Variants in SMIM24 observed in about 807,000 individuals in gnomAD.
SMIM24 encodes the protein MAP17-related dimer.
A neutral mutation model predicts 10.8 loss-of-function variants in SMIM24; 6 were observed. The observed-to-expected ratio is 0.55, with a 90% CI of 0.30 to 1.09. The LOEUF (loss-of-function observed/expected upper bound fraction) is 1.09, where lower values mean the gene tolerates loss of function less well. SMIM24 is among the 50% of genes least tolerant of loss of function. The pLI is 0.06. For missense variants in SMIM24, 151 were observed against 153.4 expected (o/e 0.98, Z 0.08); for synonymous variants, 71 against 62.4 (o/e 1.14, Z -0.65).
chr19:3,476,266 C>A (rs1334547968), intron 3 of SMIM24, among the ~76,000 whole-genome samples: 2 of 150,992 alleles, frequency 1.3e-5, no homozygotes, highest in Non-Finnish European at 3.0e-5. Context: ...GTGGATGGAT[C>A]AATGAGCTAA....
intron 2 of SMIM24, 76 bp downstream of exon 2, chr19:3,478,742 G>C: frequency 6.8e-6 from 8 of 1,179,510 alleles, no homozygotes; most frequent in Non-Finnish European, 9.6e-6. Context: ...GCTGGTGATG[G>C]GGGTACCAGA....
At chr19:3,477,320 GGGTGGATGGAT>G (rs749299262) in intron 3 of SMIM24, among the ~76,000 whole-genome samples, 43 of 142,842 alleles carry the variant, frequency 3.0e-4, no homozygotes, top group Non-Finnish European at 5.5e-4. Context: ...GACAGATGGT[GGGTGGATGGAT>G]GGTGGGTGGG....
chr19:3,478,856 C>T lies in SMIM24; in HGVS notation c.141G>A (p.Leu47=), dbSNP rs2082804442. The stretch of plus-strand genomic sequence containing the variant: ...ACCAGAGGCGGTTGGCCAGCAAGAC[C>T]AAATAGACGATGAACAGGAAGCCGA... ...AVVGFLFIVY[L]VLLANRLWCS... Residue 47 remains leucine (L), a synonymous_variant, in exon 2 of 4, where the codon TTG becomes TTA. Coordinates refer to ENST00000215531, the MANE Select transcript of SMIM24 (RefSeq NM_001136503.2). The T allele has an allele frequency of 6.5e-7, 1 of 1,549,714 alleles. No individual in the cohort carries two copies. Among genetic ancestry groups the T allele is most frequent in the Non-Finnish European group, 8.7e-7 (1 of 1,146,728 alleles).
At chr19:3,478,630 C>T in intron 2 of SMIM24, 152 bp from the exon 3 acceptor site, 2 of 911,602 alleles carry the variant, frequency 2.2e-6, no homozygotes, top group Non-Finnish European at 3.3e-6. Flanking sequence ...GGCTGCCTGG[C>T]TCGTTGTCTT....
intron 2 of SMIM24, 39 bp from the exon 3 acceptor site, chr19:3,478,517 G>A (rs2082802886): frequency 1.3e-6 from 2 of 1,508,324 alleles, no homozygotes; most frequent in Non-Finnish European, 1.8e-6. Context: ...GGGCGGGAGA[G>A]GAGAAAGGGG....
At chr19:3,480,138 G>C (rs539487688) in intron 1 of SMIM24, among the ~76,000 whole-genome samples, 1 of 151,654 alleles carries the variant, frequency 6.6e-6, no homozygotes, top group Non-Finnish European at 1.5e-5. Flanking sequence ...GCTCAAGGCG[G>C]GGGGTTCAGC....
chr19:3,478,436 G>T lies in SMIM24; in HGVS notation c.222C>A (p.Asn74Lys), dbSNP rs1185674942. 6.5e-6 allele frequency: 10 copies of T among 1,549,466 alleles called. No homozygotes were observed. The highest frequency in any genetic ancestry group is 8.7e-6 in the Non-Finnish European group (10 of 1,146,474). Residue 74 changes from asparagine to lysine, a missense_variant, in exon 3 of 4, where the codon AAC becomes AAA. Transcript: ENST00000215531. The part of the protein sequence containing the change: ...EEETTFRMES[N>K]LYQDQSEDKR... The stretch of plus-strand genomic sequence containing the variant: ...CATAGTACCTCTGGTCCTGGTATAG[G>T]TTGGACTCCATTCTGAACGTGGTCT...
chr19:3,480,330 G>C, intron 1 of SMIM24, 67 bp downstream of exon 1: 1 of 1,347,584 alleles, frequency 7.4e-7, no homozygotes, highest in South Asian at 1.4e-5. Context: ...ATGGAAAATT[G>C]GGAGATGGTG....
At chr19:3,478,528 G>A in intron 2 of SMIM24, 50 bp from the exon 3 acceptor site, 2 of 1,480,468 alleles carry the variant, frequency 1.4e-6, no homozygotes, top group Non-Finnish European at 1.8e-6. Context: ...GAGAAAGGGG[G>A]CGGTAAAGGG....
At chr19:3,478,598 C>G in intron 2 of SMIM24, 120 bp from the exon 3 acceptor site, 1 of 1,046,946 alleles carries the variant, frequency 9.6e-7, no homozygotes. Flanking sequence ...GCTCATGAAC[C>G]CCAGGACGCA....
At chr19:3,475,777 C>T (rs536721106) in intron 3 of SMIM24, among the ~76,000 whole-genome samples, 2 of 147,556 alleles carry the variant, frequency 1.4e-5, no homozygotes, top group South Asian at 2.2e-4. Flanking sequence ...ACTGAGTTGG[C>T]GAATGAATGG....
chr19:3,474,725 A>G lies in SMIM24; in HGVS notation c.*118T>C. ...GGTTCCAAGCCTTCTTCACTTGAGAACACTGTATTCTGAATCCCAGATGGA... is the reference window on the plus strand; with the variant it reads ...GGTTCCAAGCCTTCTTCACTTGAGAGCACTGTATTCTGAATCCCAGATGGA... On this transcript the variant is annotated 3_prime_UTR_variant, in exon 4 of 4. Transcript: ENST00000215531. The G allele has an allele frequency of 7.6e-7, 1 of 1,320,724 alleles. No individual in the cohort carries two copies. The highest frequency in any genetic ancestry group is 1.0e-6 in the Non-Finnish European group (1 of 991,660). 81.8% of individuals were successfully genotyped at this position (1,320,724 alleles called of 1,614,324 possible).
At chr19:3,479,322 G>A (rs1222208463) in intron 1 of SMIM24, among the ~76,000 whole-genome samples, 3 of 149,428 alleles carry the variant, frequency 2.0e-5, no homozygotes, top group Non-Finnish European at 3.0e-5. Flanking sequence ...GCTCAGGGGT[G>A]GGGTTTATAA....
chr19:3,480,341 A>G, intron 1 of SMIM24, 56 bp downstream of exon 1: 1 of 1,402,132 alleles, frequency 7.1e-7, no homozygotes, highest in South Asian at 1.3e-5. Context: ...GGAGATGGTG[A>G]TCACCTGACC....
At chr19:3,475,662 T>C (rs2082789406) in intron 3 of SMIM24, among the ~76,000 whole-genome samples, 1 of 137,192 alleles carries the variant, frequency 7.3e-6, no homozygotes, top group South Asian at 2.4e-4. Context: ...GATGGATGGA[T>C]GGTGGGTGAA....
Position 3,474,517 on chromosome 19 carries a change from A to C in SMIM24, c.*326T>G. 1 of 326,980 alleles carries C rather than the reference A, an allele frequency of 3.1e-6. No homozygotes were observed. The highest frequency in any genetic ancestry group is 4.4e-5 in the Admixed American group (1 of 22,660). 20.3% of individuals were successfully genotyped at this position (326,980 alleles called of 1,614,324 possible). ...GTTCAGTAGACATCAGGCAGAGAGA[A>C]AAGAAATCAGGCAGTGGGGAGAAGC... On this transcript the variant is annotated 3_prime_UTR_variant, in exon 4 of 4. Coordinates refer to ENST00000215531, the MANE Select transcript of SMIM24 (RefSeq NM_001136503.2).
Position 3,474,555 on chromosome 19 carries a change from G to A in SMIM24, c.*288C>T. 1 of 411,010 alleles carries A rather than the reference G, an allele frequency of 2.4e-6. No individual in the cohort carries two copies. Among genetic ancestry groups the A allele is most frequent in the Non-Finnish European group, 4.3e-6 (1 of 230,364 alleles). The allele number at this position is 411,010 out of a possible 1,614,324, so 25.5% of individuals were successfully genotyped here. A position where few individuals can be genotyped will look rare whatever the true frequency, so the allele number is the denominator to read the frequency against. ...AGTGGGGAGAAGCAGGTGGAGCCAT[G>A]AGATCGTGGAGGATTGCGGGTGTCT... On this transcript the variant is annotated 3_prime_UTR_variant, in exon 4 of 4. Coordinates refer to ENST00000215531, the MANE Select transcript of SMIM24 (RefSeq NM_001136503.2).
chr19:3,478,117 C>T (rs913436131), intron 3 of SMIM24, among the ~76,000 whole-genome samples: 1 of 152,124 alleles, frequency 6.6e-6, no homozygotes, highest in Non-Finnish European at 1.5e-5. Flanking sequence ...AAGTTGCCTA[C>T]ACAACTGGAA....
At position 3,479,115 on chromosome 19, in the gene SMIM24, G is replaced by A. The variant is rs369887337; in HGVS notation, c.68-186C>T. 2.7e-5 allele frequency: 14 copies of A among 518,196 alleles called. 1 individual carries two copies. Among genetic ancestry groups the A allele is most frequent in the African/African-American group, 1.4e-4 (7 of 50,716 alleles). 32.1% of individuals were successfully genotyped at this position (518,196 alleles called of 1,614,324 possible). ...GTCGGGAGGGTTTAGAGAGGGGGAG[G>A]GTACCTTACCAGAGTGGGAGGGAGC... On this transcript the variant is annotated intron_variant, in intron 1 of 3. Transcript: ENST00000215531.
Sources: gnomAD v4.1 joint callset for allele counts (sites outside exome capture counted in the v4.1 genomes callset) on GRCh38, gnomAD v4.1.1 for gene constraint, MANE v1.5 for transcripts, NCBI Gene and HGNC (gene_info 2026-07-23, HGNC 2026-07-21) for gene names.